The following TASOR2 variants were observed in gnomAD, a reference collection of about 807,000 sequenced individuals.
TASOR2 encodes the protein transcription activation suppressor family member 2.
A neutral mutation model predicts 199.5 loss-of-function variants in TASOR2; 84 were observed. The ratio of observed to expected loss-of-function variants is 0.42; its 90% CI spans 0.35 to 0.50. TASOR2 has a LOEUF of 0.50. Ranked by LOEUF, TASOR2 falls within the 20% of genes least tolerant of loss-of-function variation. The pLI, the probability that TASOR2 is intolerant of heterozygous loss-of-function variation, is 0.02. For missense variants in TASOR2, 2,796 were observed against 2,835.9 expected, an observed-to-expected ratio of 0.99 and a Z score of 0.32; for synonymous variants, 1,103 against 1,046.6, an observed-to-expected ratio of 1.05 and a Z score of -1.04.
chr10:5,758,317 G>C (rs1451542765), intron 17 of TASOR2, among the ~76,000 whole-genome samples: 1 of 152,136 alleles, frequency 6.6e-6, no homozygotes, highest in Non-Finnish European at 1.5e-5. Context: ...AAGGCAGGAG[G>C]ATCCCTGGAG....
chr10:5,696,221 TA>T (rs1469905466), intron 1 of TASOR2, among the ~76,000 whole-genome samples: 1 of 152,216 alleles, frequency 6.6e-6, no homozygotes, highest in Non-Finnish European at 1.5e-5. Context: ...TGGGGAAACT[TA>T]CCAGCCCATG....
In TASOR2 at chr10:5,730,426, C is replaced by A; in HGVS notation, c.488-61C>A. The A allele has an allele frequency of 1.5e-6, 2 of 1,302,210 alleles. No individual in the cohort carries two copies. The highest frequency in any genetic ancestry group is 2.1e-6 in the Non-Finnish European group (2 of 962,392). 80.7% of individuals were successfully genotyped at this position (1,302,210 alleles called of 1,614,324 possible). ...TTTTGAAATCTAAAGCTTTTTTTTC[C>A]AGAATGTTTTGTTTTTAAAAAATAA... On this transcript the variant is annotated intron_variant, in intron 10 of 20. Coordinates refer to ENST00000328090, the Ensembl canonical transcript of TASOR2. This position sits in a 1 kb window ranked among gnomAD's most constrained non-coding sequence, Gnocchi z 4.1.
At chr10:5,757,595 G>C in exon 17 of TASOR2, 5 of 1,613,824 alleles carry the variant, frequency 3.1e-6, no homozygotes, top group Non-Finnish European at 4.2e-6. Flanking sequence ...AGATGTTCTT[G>C]ATCACACCTA....
intron 1 of TASOR2, among the ~76,000 whole-genome samples, chr10:5,696,229 C>G (rs1837136136): frequency 6.6e-6 from 1 of 152,170 alleles, no homozygotes; most frequent in South Asian, 2.1e-4. Flanking sequence ...CTTACCAGCC[C>G]ATGGCACAGT....
At chr10:5,717,528 C>A (rs1832811531) in intron 2 of TASOR2, 131 bp from the exon 4 acceptor site, 1 of 389,842 alleles carries the variant, frequency 2.6e-6, no homozygotes, top group Non-Finnish European at 4.5e-6. Flanking sequence ...TTCACTGCTG[C>A]TGCCTTGTTG....
chr10:5,748,775 G>A lies in TASOR2; in HGVS notation c.5354G>A (p.Cys1785Tyr), dbSNP rs183849963. The A allele has an allele frequency of 2.5e-3, 4,017 of 1,614,158 alleles. 6 individuals carry two copies. The highest frequency in any genetic ancestry group is 4.1e-3 in the Middle Eastern group (25 of 6,062). Residue 1785 changes from cysteine to tyrosine, a missense_variant, in exon 15 of 21, where the codon TGT (cysteine) becomes TAT (tyrosine). Around this residue, in one of 3 missense-constraint regions of TASOR2, gnomAD observed 1,941 missense variants for 1,924.9 expected, o/e 1.01. Transcript: ENST00000328090. This position sits in a 1 kb window ranked among gnomAD's most constrained non-coding sequence, Gnocchi z 5.1. Reference sequence around the variant, plus strand: ...TCAGAATCCTTTGATACTTCTGTTTGTGGAATAGCCACAGAGCACGTAGAA... The same window carrying A: ...TCAGAATCCTTTGATACTTCTGTTTATGGAATAGCCACAGAGCACGTAGAA...
At chr10:5,684,945 G>T (rs1835639692) in exon 1 of TASOR2, 1 of 397,684 alleles carries the variant, frequency 2.5e-6, no homozygotes, top group Admixed American at 4.4e-5. Flanking sequence ...GACAGAGCGC[G>T]GGCGGCCGCG....
chr10:5,728,407 G>A (rs1834342022), intron 10 of TASOR2, among the ~76,000 whole-genome samples: 1 of 152,072 alleles, frequency 6.6e-6, no homozygotes, highest in Non-Finnish European at 1.5e-5. Flanking sequence ...GGAGGCTGAG[G>A]CGGGTGGATC....
At chr10:5,724,803 CTG>C (rs1054723417) in intron 8 of TASOR2, among the ~76,000 whole-genome samples, 2 of 151,606 alleles carry the variant, frequency 1.3e-5, no homozygotes, top group Admixed American at 6.6e-5. Context: ...ATGCCTGAAA[CTG>C]TGGATAGTAC....
At chr10:5,756,529 T>A in intron 15 of TASOR2, 84 bp from the exon 17 acceptor site, 2 of 1,432,378 alleles carry the variant, frequency 1.4e-6, no homozygotes, top group African/African-American at 2.9e-5. Context: ...TAGACTATAC[T>A]GCTTTTCATT....
At chr10:5,741,169 A>G (rs2131614737) in intron 13 of TASOR2, among the ~76,000 whole-genome samples, 1 of 152,312 alleles carries the variant, frequency 6.6e-6, no homozygotes, top group South Asian at 2.1e-4. Context: ...GAGGCCTGAC[A>G]TTCTGCATTT....
chr10:5,702,065 C>T (rs76009067), intron 1 of TASOR2, among the ~76,000 whole-genome samples: 3 of 152,222 alleles, frequency 2.0e-5, no homozygotes, highest in African/African-American at 7.2e-5. Flanking sequence ...TTCAATTGTT[C>T]CTTGTTCAGG....
intron 11 of TASOR2, among the ~76,000 whole-genome samples, chr10:5,733,739 ATCTTTT>A (rs1456037208): frequency 2.0e-5 from 3 of 152,076 alleles, no homozygotes. Context: ...TGGTTGTCTA[ATCTTTT>A]TCTTTTTAAT....
Position 5,753,651 on chromosome 10 carries a change from C to T in TASOR2, c.6607-2962C>T, listed in dbSNP as rs532681867. Among the ~76,000 whole-genome samples the T allele has an allele frequency of 4.0e-4, 61 of 152,304 alleles. No homozygotes were observed. In the South Asian group the frequency reaches 9.1e-3, roughly 23 times the overall value. ...CTGGGATTACAGGCATGAGCCACTC[C>T]GCCCAGCCTGTTTGCCGAGATTCTT... On this transcript the variant is annotated intron_variant, in intron 15 of 20. Coordinates refer to ENST00000328090, the Ensembl canonical transcript of TASOR2.
At chr10:5,762,425 T>C (rs2797500) in intron 19 of TASOR2, 107 bp from the exon 21 acceptor site, 387,961 of 389,652 alleles carry the variant, frequency 1, 193,161 homozygotes, top group East Asian at 1. Context: ...CCCCTACCCC[T>C]CACACGAGGA....
At chr10:5,718,537 C>G (rs571687014) in intron 3 of TASOR2, among the ~76,000 whole-genome samples, 3 of 151,898 alleles carry the variant, frequency 2.0e-5, no homozygotes, top group South Asian at 4.2e-4. Flanking sequence ...CACCTGAGGT[C>G]AGGAGTTTGA....
intron 13 of TASOR2, among the ~76,000 whole-genome samples, chr10:5,741,713 C>G: frequency 6.6e-6 from 1 of 152,208 alleles, no homozygotes; most frequent in Non-Finnish European, 1.5e-5. Flanking sequence ...ATCAGCCAGA[C>G]TTAGCAAAAG....
In TASOR2 at chr10:5,740,264, T is replaced by C; in HGVS notation, c.2094T>C (p.Phe698=). 6.2e-7 allele frequency: 1 copy of C among 1,614,222 alleles called. No individual in the cohort carries two copies. Among genetic ancestry groups the C allele is most frequent in the South Asian group, 1.1e-5 (1 of 91,088 alleles). Residue 698 remains phenylalanine (F), a synonymous_variant, in exon 13 of 21, where the codon TTT becomes TTC. Coordinates refer to ENST00000328090, the Ensembl canonical transcript of TASOR2. The surrounding 1 kb of genome is among the most constrained non-coding windows in gnomAD (Gnocchi z 5.3). The stretch of plus-strand genomic sequence containing the variant: ...CCCCAGTGGGGAAAGTCATGCCATT[T>C]CGGCATCAGCCCGGCCTTTTGCTTC...
chr10:5,712,457 C>A (rs1246504658), intron 1 of TASOR2: 1 of 1,231,702 alleles, frequency 8.1e-7, no homozygotes, highest in African/African-American at 1.5e-5. Context: ...CTCCTCCATA[C>A]TTCTTACTTG....
Sources: gnomAD v4.1 joint callset for allele counts (sites outside exome capture counted in the v4.1 genomes callset) on GRCh38, gnomAD v4.1.1 for gene constraint, gnomAD v4.1.1 regional missense constraint, Gnocchi (gnomAD v3.1) non-coding constraint, MANE v1.5 for transcripts, NCBI Gene and HGNC (gene_info 2026-07-23, HGNC 2026-07-21) for gene names.